RARB: variants seen among roughly 807,000 people sequenced by gnomAD.
RARB encodes the protein HBV-activated protein.
A neutral mutation model predicts 51.9 loss-of-function variants in RARB; 17 were observed. The observed-to-expected ratio is 0.33, with a 90% CI of 0.22 to 0.49. RARB has a LOEUF of 0.49. Ranked by LOEUF, RARB falls within the 20% of genes least tolerant of loss-of-function variation. The pLI, the probability that RARB is intolerant of heterozygous loss-of-function variation, is 0.99. For missense variants in RARB, 369 were observed against 550.8 expected (o/e 0.67, Z 3.30); for synonymous variants, 215 against 195.4 (o/e 1.10, Z -0.84).
chr3:25,098,957 G>GC (rs1699349668), intron 3 of RARB, among the ~76,000 whole-genome samples: 1 of 152,174 alleles, frequency 6.6e-6, no homozygotes, highest in African/African-American at 2.4e-5. Context: ...TTAAGATGCT[G>GC]CAGCCTCATG....
intron 3 of RARB, among the ~76,000 whole-genome samples, chr3:25,085,770 T>G (rs1407831582): frequency 6.6e-6 from 1 of 152,186 alleles, no homozygotes; most frequent in Non-Finnish European, 1.5e-5. Context: ...TCAAATCCAG[T>G]TCCATGATCT....
intron 2 of RARB, among the ~76,000 whole-genome samples, chr3:25,002,980 A>G (rs1575113968): frequency 6.6e-6 from 1 of 152,150 alleles, no homozygotes; most frequent in South Asian, 2.1e-4. Context: ...CTTCATACCT[A>G]AAGTAATTGG....
At chr3:25,152,758 G>C (rs923468045) in intron 4 of RARB, among the ~76,000 whole-genome samples, 3 of 152,084 alleles carry the variant, frequency 2.0e-5, no homozygotes, top group Admixed American at 6.6e-5. Flanking sequence ...GTGAGTCTTG[G>C]CAGCTGACAT....
At chr3:24,906,844 C>CAAAAAA (rs397875286) in intron 2 of RARB, among the ~76,000 whole-genome samples, 44 of 75,958 alleles carry the variant, frequency 5.8e-4, no homozygotes, top group African/African-American at 1.3e-3. Context: ...GATTCCGTCT[C>CAAAAAA]AAAAAAAAAA....
chr3:25,267,324 C>G (rs756000718), intron 5 of RARB, among the ~76,000 whole-genome samples: 1 of 152,112 alleles, frequency 6.6e-6, no homozygotes, highest in Non-Finnish European at 1.5e-5. Context: ...CAATGGAAAG[C>G]CTTTAAATGT....
intron 1 of RARB, among the ~76,000 whole-genome samples, chr3:25,449,180 C>T (rs552641240): frequency 6.6e-6 from 1 of 152,114 alleles, no homozygotes; most frequent in East Asian, 2.0e-4. Flanking sequence ...CTGCTCCTGA[C>T]AGTGTTCAGC....
chr3:25,287,836 C>G (rs1449349527), intron 5 of RARB, among the ~76,000 whole-genome samples: 1 of 152,020 alleles, frequency 6.6e-6, no homozygotes, highest in Admixed American at 6.5e-5. Context: ...AGATACATTT[C>G]TCTTCTGCTT....
chr3:25,202,235 G>T (rs186304499), intron 5 of RARB, among the ~76,000 whole-genome samples: 61 of 152,262 alleles, frequency 4.0e-4, no homozygotes, highest in Non-Finnish European at 7.8e-4. Flanking sequence ...GGTGTTTATA[G>T]TATTCTCTGA....
intron 2 of RARB, among the ~76,000 whole-genome samples, chr3:24,909,845 G>A (rs75462943): frequency 0.049 from 7,514 of 152,082 alleles, 283 homozygotes; most frequent in East Asian, 0.14. Flanking sequence ...GAATTTTAAT[G>A]TTTGTATGCA....
At chr3:25,401,274 A>G (rs1469843982) in intron 5 of RARB, among the ~76,000 whole-genome samples, 2 of 152,158 alleles carry the variant, frequency 1.3e-5, no homozygotes, top group Non-Finnish European at 1.5e-5. Flanking sequence ...CCCTTGATTC[A>G]ATCGAGATTA....
chr3:25,262,317 C>T (rs1306629386), intron 5 of RARB, among the ~76,000 whole-genome samples: 1 of 152,186 alleles, frequency 6.6e-6, no homozygotes, highest in African/African-American at 2.4e-5. Context: ...CTCCCCATCA[C>T]TCCTCTCCTT....
At chr3:25,417,274 C>T (rs1169731965) in intron 5 of RARB, among the ~76,000 whole-genome samples, 2 of 151,752 alleles carry the variant, frequency 1.3e-5, no homozygotes, top group Non-Finnish European at 2.9e-5. Context: ...CCCTAATTTC[C>T]TAATGTTCCC....
At chr3:25,119,534 T>A (rs953694635) in intron 3 of RARB, among the ~76,000 whole-genome samples, 4 of 152,064 alleles carry the variant, frequency 2.6e-5, no homozygotes, top group Non-Finnish European at 5.9e-5. Context: ...ATGGGTCTTA[T>A]GCACCCTGAC....
chr3:25,406,830 C>T (rs377525939), intron 5 of RARB, among the ~76,000 whole-genome samples: 9 of 152,140 alleles, frequency 5.9e-5, no homozygotes, highest in African/African-American at 2.2e-4. Flanking sequence ...CTTGTGCTCA[C>T]GTATTTTACA....
intron 1 of RARB, among the ~76,000 whole-genome samples, chr3:25,456,858 G>A (rs1019684222): frequency 6.6e-6 from 1 of 151,308 alleles, no homozygotes; most frequent in African/African-American, 2.4e-5. Flanking sequence ...GCATTTGCAG[G>A]ATTCAAATTA....
chr3:24,835,665 G>C (rs2125327896), intron 1 of RARB, among the ~76,000 whole-genome samples: 1 of 152,292 alleles, frequency 6.6e-6, no homozygotes, highest in African/African-American at 2.4e-5. Flanking sequence ...CTTAACTGCT[G>C]TTCTTTATTC....
At chr3:25,209,167 A>C (rs1260411278) in intron 5 of RARB, among the ~76,000 whole-genome samples, 1 of 152,232 alleles carries the variant, frequency 6.6e-6, no homozygotes, top group Non-Finnish European at 1.5e-5. Context: ...CATGGGTCCC[A>C]ACCAGTTGAC....
chr3:25,242,868 A>C (rs1289201427), intron 5 of RARB, among the ~76,000 whole-genome samples: 1 of 152,142 alleles, frequency 6.6e-6, no homozygotes. Flanking sequence ...CTTTGATGAG[A>C]ATAGCATTGA....
At chr3:25,290,873 A>G (rs1471491515) in intron 5 of RARB, among the ~76,000 whole-genome samples, 1 of 152,134 alleles carries the variant, frequency 6.6e-6, no homozygotes, top group Non-Finnish European at 1.5e-5. Flanking sequence ...TTAGTCTTTG[A>G]CCCAGCCATA....
Sources: allele counts gnomAD v4.1 joint callset (sites outside exome capture counted in the v4.1 genomes callset), GRCh38; gene constraint gnomAD v4.1.1; transcripts MANE v1.5; gene names NCBI Gene and HGNC (gene_info 2026-07-23, HGNC 2026-07-21).